The following SDK1 variants were observed in gnomAD, a reference collection of about 807,000 sequenced individuals.
The protein encoded by SDK1 is protein sidekick-1.
Under a neutral mutation model 245.5 loss-of-function variants are expected in SDK1, and 157 were observed. The observed-to-expected ratio is 0.64, with a 90% CI of 0.56 to 0.73. SDK1 has a LOEUF of 0.73. Ranked by LOEUF, SDK1 falls within the 30% of genes least tolerant of loss-of-function variation. SDK1 has a pLI of 0.00. For synonymous variants in SDK1, 1,647 were observed against 1,278.5 expected (o/e 1.29, Z -6.15); for missense variants, 3,583 against 3,002.3 (o/e 1.19, Z -4.52).
At chr7:3,926,167 C>G (rs1331498642) in intron 5 of SDK1, among the ~76,000 whole-genome samples, 2 of 152,158 alleles carry the variant, frequency 1.3e-5, no homozygotes, top group Non-Finnish European at 2.9e-5. Context: ...AGCATGCATT[C>G]CCGTGGGAAG....
At chr7:3,994,755 CA>C (rs1422696456) in intron 14 of SDK1, among the ~76,000 whole-genome samples, 1 of 152,078 alleles carries the variant, frequency 6.6e-6, no homozygotes, top group Non-Finnish European at 1.5e-5. Context: ...GCATTTTTAT[CA>C]AATCCACTGC....
intron 4 of SDK1, among the ~76,000 whole-genome samples, chr7:3,728,882 G>A (rs945871557): frequency 1.1e-4 from 17 of 152,042 alleles, no homozygotes; most frequent in African/African-American, 3.9e-4. Context: ...CTGTGGGTCC[G>A]TGAGCCACCG....
intron 4 of SDK1, among the ~76,000 whole-genome samples, chr7:3,808,670 G>T (rs1480378404): frequency 1.3e-5 from 2 of 152,050 alleles, no homozygotes; most frequent in African/African-American, 4.8e-5. Flanking sequence ...CCACCTGATG[G>T]CTGTTTGATA....
intron 4 of SDK1, among the ~76,000 whole-genome samples, chr7:3,751,445 C>T (rs1021025474): frequency 3.0e-4 from 14 of 47,036 alleles, no homozygotes; most frequent in African/African-American, 1.0e-3. Flanking sequence ...AGAAGAACTT[C>T]GGCGGGGGGT....
chr7:3,540,029 T>A (rs933736185), intron 1 of SDK1, among the ~76,000 whole-genome samples: 1 of 152,216 alleles, frequency 6.6e-6, no homozygotes, highest in Non-Finnish European at 1.5e-5. Flanking sequence ...ATTTCAAATT[T>A]ATGATATTTT....
rs187770114 is a variant in SDK1 at position 3,826,970 on chromosome 7, A to G, written c.847+5387A>G. Reference sequence around the variant, plus strand: ...AAGACCATCATTCTCTCCTCACCCCACAAGGCAAAACCGGATGGTTTCTAT... The same window carrying G: ...AAGACCATCATTCTCTCCTCACCCCGCAAGGCAAAACCGGATGGTTTCTAT... On this transcript the variant is annotated intron_variant, in intron 5 of 44. Transcript: ENST00000404826. Among the ~76,000 whole-genome samples, 201 of 152,210 alleles carry G rather than the reference A, an allele frequency of 1.3e-3. 1 individual carries two copies. The highest frequency in any genetic ancestry group is 4.7e-3 in the African/African-American group (196 of 41,534).
intron 1 of SDK1, among the ~76,000 whole-genome samples, chr7:3,618,522 G>A (rs1781838527): frequency 6.6e-6 from 1 of 152,202 alleles, no homozygotes; most frequent in African/African-American, 2.4e-5. Context: ...GCAGTGCGCT[G>A]TTCCATTATG....
intron 1 of SDK1, among the ~76,000 whole-genome samples, chr7:3,498,019 C>A (rs1001398106): frequency 6.6e-6 from 1 of 152,152 alleles, no homozygotes; most frequent in African/African-American, 2.4e-5. Flanking sequence ...TGGCTTGTAT[C>A]GATTATAATT....
At chr7:3,309,740 A>G (rs1037980145) in intron 1 of SDK1, among the ~76,000 whole-genome samples, 2 of 152,174 alleles carry the variant, frequency 1.3e-5, no homozygotes, top group Admixed American at 1.3e-4. Context: ...TAACACCTTT[A>G]AAAGGAAGAG....
At chr7:3,955,204 G>C (rs902097918) in intron 7 of SDK1, among the ~76,000 whole-genome samples, 1 of 152,182 alleles carries the variant, frequency 6.6e-6, no homozygotes, top group Non-Finnish European at 1.5e-5. Flanking sequence ...GCCCCTTCAA[G>C]TTGTTCATGG....
At chr7:3,921,977 A>G (rs1779601089) in intron 5 of SDK1, among the ~76,000 whole-genome samples, 1 of 151,968 alleles carries the variant, frequency 6.6e-6, no homozygotes, top group African/African-American at 2.4e-5. Context: ...AAAATAAGTA[A>G]ATAAGCAATG....
At chr7:3,639,291 G>T (rs1782571800) in intron 3 of SDK1, among the ~76,000 whole-genome samples, 181 bp downstream of exon 3, 2 of 152,128 alleles carry the variant, frequency 1.3e-5, no homozygotes, top group South Asian at 4.2e-4. Context: ...CCAGGTGAGG[G>T]GCTGTTGAGG....
intron 17 of SDK1, among the ~76,000 whole-genome samples, chr7:4,029,277 T>C (rs1405574308): frequency 2.7e-5 from 4 of 147,492 alleles, no homozygotes; most frequent in Admixed American, 1.4e-4. Flanking sequence ...AGTGGCACAA[T>C]CTCAGCTCAC....
At chr7:3,547,657 C>G (rs35809401) in intron 1 of SDK1, among the ~76,000 whole-genome samples, 10,064 of 152,200 alleles carry the variant, frequency 0.066, 415 homozygotes, top group East Asian at 0.18. Flanking sequence ...CTACCCTGGC[C>G]CTTCATCTTG....
intron 1 of SDK1, among the ~76,000 whole-genome samples, chr7:3,539,630 CAT>C (rs929260644): frequency 6.6e-6 from 1 of 152,154 alleles, no homozygotes; most frequent in Admixed American, 6.5e-5. Context: ...TTGCATCTGA[CAT>C]AATTCGTGAT....
At chr7:4,161,604 G>A (rs530896693) in intron 31 of SDK1, among the ~76,000 whole-genome samples, 182 bp from the exon 32 acceptor site, 24 of 152,222 alleles carry the variant, frequency 1.6e-4, no homozygotes, top group South Asian at 8.3e-4. Context: ...CTCCTATCCC[G>A]AGGACAGGCT....
chr7:3,867,549 CAAAG>C (rs1277694805), intron 5 of SDK1, among the ~76,000 whole-genome samples: 1 of 152,112 alleles, frequency 6.6e-6, no homozygotes, highest in Non-Finnish European at 1.5e-5. Context: ...TGGCTGCAGG[CAAAG>C]AGAGAGAGCT....
chr7:3,359,547 C>A (rs912348421), intron 1 of SDK1, among the ~76,000 whole-genome samples: 1 of 152,058 alleles, frequency 6.6e-6, no homozygotes, highest in African/African-American at 2.4e-5. Flanking sequence ...ATGAGTATTT[C>A]TACACCTGGC....
chr7:3,312,853 A>G (rs949445031), intron 1 of SDK1, among the ~76,000 whole-genome samples: 3 of 152,192 alleles, frequency 2.0e-5, no homozygotes, highest in African/African-American at 4.8e-5. Context: ...TTCATAATCA[A>G]TACAAGTTCT....
Sources: allele counts gnomAD v4.1 joint callset (sites outside exome capture counted in the v4.1 genomes callset), GRCh38; gene constraint gnomAD v4.1.1; transcripts MANE v1.5; gene names NCBI Gene and HGNC (gene_info 2026-07-23, HGNC 2026-07-21).